DCC: variants seen among roughly 807,000 people sequenced by gnomAD.
DCC encodes netrin receptor DCC.
DCC carries 58 observed loss-of-function variants against 172.5 expected under a neutral mutation model. That is an observed-to-expected ratio of 0.34 (90% confidence interval 0.27 to 0.42). The LOEUF (loss-of-function observed/expected upper bound fraction) is 0.42, where lower values mean the gene tolerates loss of function less well. DCC is among the 10% of genes least tolerant of loss of function. DCC has a pLI of 1.00. For synonymous variants in DCC, 709 were observed against 644.5 expected, an observed-to-expected ratio of 1.10 and a Z score of -1.52; for missense variants, 1,740 against 1,791.0, an observed-to-expected ratio of 0.97 and a Z score of 0.51.
intron 1 of DCC, among the ~76,000 whole-genome samples, chr18:52,535,657 C>T (rs2032268025): frequency 6.6e-6 from 1 of 151,794 alleles, no homozygotes; most frequent in African/African-American, 2.4e-5. Context: ...AATGATTTTG[C>T]AAAACACTAA....
chr18:53,258,541 C>G (rs1415344869), intron 12 of DCC, among the ~76,000 whole-genome samples: 1 of 152,064 alleles, frequency 6.6e-6, no homozygotes, highest in Non-Finnish European at 1.5e-5. Flanking sequence ...TTTCTTAATC[C>G]TGAGTTCTAG....
chr18:53,469,771 G>GA lies in DCC; in HGVS notation c.3736+1768dup, dbSNP rs201121559. ...CCCTCCAATTGAAACCATATTTACT[G>GA]AAAAAAATTTCTAAATTATCTGCAC... On this transcript the variant is annotated intron_variant, in intron 25 of 28. Transcript: ENST00000442544. Among the ~76,000 whole-genome samples, 64 of 151,956 alleles carry GA rather than the reference G, an allele frequency of 4.2e-4. No individual in the cohort carries two copies. In the South Asian group the frequency reaches 0.013, roughly 30 times the overall value.
chr18:53,090,508 A>G lies in DCC; in HGVS notation c.1261+24342A>G, dbSNP rs558736506. 4.6e-5 allele frequency among the ~76,000 whole-genome samples: 7 copies of G among 151,608 alleles called. No individual in the cohort carries two copies. The East Asian group carries it at 1.2e-3, about 25-fold the overall frequency. ...GGAGATTGAGACCATCCTGGCTAAC[A>G]AGGTGAAATTCCGTCTCTACTAACG... On this transcript the variant is annotated intron_variant, in intron 7 of 28. Transcript: ENST00000442544.
intron 19 of DCC, among the ~76,000 whole-genome samples, chr18:53,404,805 C>T (rs1212732904): frequency 6.6e-6 from 1 of 151,118 alleles, no homozygotes; most frequent in Non-Finnish European, 1.5e-5. Flanking sequence ...ATTGTATATG[C>T]CAAAATCACA....
At chr18:52,778,692 G>A (rs185384861) in intron 2 of DCC, among the ~76,000 whole-genome samples, 42 of 151,956 alleles carry the variant, frequency 2.8e-4, no homozygotes, top group Middle Eastern at 3.4e-3. Flanking sequence ...TTCTTTTCTC[G>A]TCATTAAAGT....
At chr18:53,420,509 C>T (rs1479161204) in intron 21 of DCC, among the ~76,000 whole-genome samples, 1 of 152,108 alleles carries the variant, frequency 6.6e-6, no homozygotes, top group Non-Finnish European at 1.5e-5. Context: ...AAGTTATATT[C>T]TCAGAGCTCT....
chr18:52,853,005 C>T (rs1312306127), intron 2 of DCC, among the ~76,000 whole-genome samples: 2 of 152,106 alleles, frequency 1.3e-5, no homozygotes, highest in African/African-American at 4.8e-5. Flanking sequence ...ATAATCCATT[C>T]ATTTTCCCCC....
chr18:53,038,544 G>A (rs1291442755), intron 5 of DCC, among the ~76,000 whole-genome samples: 1 of 151,932 alleles, frequency 6.6e-6, no homozygotes, highest in Admixed American at 6.6e-5. Context: ...TAGAAGCTCC[G>A]CAGAACTTTC....
At chr18:52,803,432 A>T (rs1193874550) in intron 2 of DCC, among the ~76,000 whole-genome samples, 2 of 152,142 alleles carry the variant, frequency 1.3e-5, no homozygotes, top group Non-Finnish European at 2.9e-5. Context: ...TGCATTTATT[A>T]GTTAATGCTG....
chr18:53,228,223 TATA>T (rs2056065314), intron 12 of DCC, among the ~76,000 whole-genome samples: 1 of 151,790 alleles, frequency 6.6e-6, no homozygotes, highest in South Asian at 2.1e-4. Context: ...TGAAATCAAA[TATA>T]ATGGCATTTA....
chr18:52,694,663 C>A (rs2035983848), intron 1 of DCC, among the ~76,000 whole-genome samples: 1 of 151,724 alleles, frequency 6.6e-6, no homozygotes, highest in African/African-American at 2.4e-5. Context: ...CCATGGACAC[C>A]CTGCCACCAG....
intron 8 of DCC, among the ~76,000 whole-genome samples, chr18:53,174,380 T>C (rs1365456523): frequency 4.6e-5 from 7 of 151,474 alleles, no homozygotes; most frequent in African/African-American, 1.7e-4. Context: ...AAAAAATTAA[T>C]CCAGGAGCTG....
intron 5 of DCC, among the ~76,000 whole-genome samples, chr18:52,976,547 A>T (rs984768526): frequency 2.0e-5 from 3 of 152,232 alleles, no homozygotes; most frequent in Non-Finnish European, 2.9e-5. Context: ...TAAGACTTCA[A>T]TATATGAACT....
chr18:52,377,442 T>C (rs1431204267), intron 1 of DCC, among the ~76,000 whole-genome samples: 1 of 152,208 alleles, frequency 6.6e-6, no homozygotes, highest in East Asian at 1.9e-4. Flanking sequence ...AGAATGGCCA[T>C]GTGCTGTCAC....
intron 3 of DCC, among the ~76,000 whole-genome samples, chr18:52,914,383 T>C (rs1016829865): frequency 3.9e-5 from 6 of 152,040 alleles, no homozygotes; most frequent in Non-Finnish European, 8.8e-5. Flanking sequence ...TATGTGTACA[T>C]AGAGAAAGAA....
At chr18:52,422,796 T>G (rs1179276178) in intron 1 of DCC, among the ~76,000 whole-genome samples, 1 of 152,130 alleles carries the variant, frequency 6.6e-6, no homozygotes, top group Non-Finnish European at 1.5e-5. Flanking sequence ...AAATGGAATA[T>G]GTGAAGAAGG....
chr18:52,916,210 T>A (rs369106615), intron 3 of DCC, among the ~76,000 whole-genome samples: 1 of 2,174 alleles, frequency 4.6e-4, no homozygotes, highest in Non-Finnish European at 5.2e-3. Flanking sequence ...ATTAGCTACC[T>A]TTTTTTTTTT....
chr18:53,001,688 C>T (rs1568237547), intron 5 of DCC, among the ~76,000 whole-genome samples: 3 of 151,852 alleles, frequency 2.0e-5, no homozygotes, highest in African/African-American at 4.8e-5. Context: ...TTCTTTATTG[C>T]CTTTCTTTTT....
intron 15 of DCC, among the ~76,000 whole-genome samples, chr18:53,361,926 A>T (rs57985620): frequency 6.6e-6 from 1 of 152,294 alleles, no homozygotes; most frequent in African/African-American, 2.4e-5. Flanking sequence ...CACAACAATC[A>T]TTTCTGAGCA....
Sources: allele counts gnomAD v4.1 joint callset (sites outside exome capture counted in the v4.1 genomes callset), GRCh38; gene constraint gnomAD v4.1.1; transcripts MANE v1.5; gene names NCBI Gene and HGNC (gene_info 2026-07-23, HGNC 2026-07-21).